The following KIF1B variants were observed in gnomAD, a reference collection of about 807,000 sequenced individuals.
The protein encoded by KIF1B is kinesin-like protein KIF1B.
Under a neutral mutation model 241.9 loss-of-function variants are expected in KIF1B, and 76 were observed. The ratio of observed to expected loss-of-function variants is 0.31; its 90% CI spans 0.26 to 0.38. The LOEUF (loss-of-function observed/expected upper bound fraction) is 0.38, where lower values mean the gene tolerates loss of function less well. Ranked by LOEUF, KIF1B falls within the 10% of genes least tolerant of loss-of-function variation. The probability of loss-of-function intolerance (pLI) is 1.00; values close to 1 mark genes in which losing one functional copy is unlikely to be tolerated. For missense variants in KIF1B, 1,622 were observed against 2,271.4 expected, an observed-to-expected ratio of 0.71 and a Z score of 5.81; for synonymous variants, 750 against 796.7, an observed-to-expected ratio of 0.94 and a Z score of 0.99.
intron 22 of KIF1B, chr1:10,306,992 G>T (rs1313017768): frequency 1.9e-6 from 2 of 1,041,756 alleles, no homozygotes; most frequent in African/African-American, 1.7e-5. Context: ...GCTGTGGATT[G>T]TGGTAAGGAC....
intron 1 of KIF1B, among the ~76,000 whole-genome samples, chr1:10,218,745 T>G (rs1646801831): frequency 6.6e-6 from 1 of 152,182 alleles, no homozygotes; most frequent in Non-Finnish European, 1.5e-5. Flanking sequence ...TTTTAAAAGC[T>G]TGCTGTGTCG....
chr1:10,218,282 C>G (rs1646794912), intron 1 of KIF1B, among the ~76,000 whole-genome samples: 1 of 152,110 alleles, frequency 6.6e-6, no homozygotes, highest in African/African-American at 2.4e-5. Context: ...TTTTGCAGTA[C>G]TAAGTATGTT....
rs1022361465 is a variant in KIF1B at position 10,342,112 on chromosome 1, A to C, written c.3576A>C (p.Glu1192Asp). Residue 1192 changes from glutamate (E) to aspartate (D), a missense_variant, in exon 33 of 49, where the codon GAA becomes GAC. Physicochemically the swap from Glu to Asp is conservative, Grantham distance 45. Around this residue, in one of 7 missense-constraint regions of KIF1B, gnomAD observed 803 missense variants for 1,112.0 expected, o/e 0.72. Transcript: ENST00000676179. ...DYIKTKPIVF[E>D]VFGHYQQHPL... Reference sequence around the variant, plus strand: ...TCAAAACCAAGCCTATTGTATTTGAAGTCTTTGGGCATTATCAGCAGCACC... The same window carrying C: ...TCAAAACCAAGCCTATTGTATTTGACGTCTTTGGGCATTATCAGCAGCACC... The C allele has an allele frequency of 5.0e-6, 8 of 1,613,926 alleles. No homozygotes were observed. Among genetic ancestry groups the C allele is most frequent in the Non-Finnish European group, 6.8e-6 (8 of 1,179,884 alleles).
At position 10,326,926 on chromosome 1, in the gene KIF1B, A is replaced by G. The variant is rs949416832; in HGVS notation, c.2924+567A>G. Among the ~76,000 whole-genome samples the G allele has an allele frequency of 6.6e-6, 1 of 152,214 alleles. No individual in the cohort carries two copies. Among genetic ancestry groups the G allele is most frequent in the East Asian group, 1.9e-4 (1 of 5,204 alleles). The stretch of plus-strand genomic sequence containing the variant: ...GGAAAGTTAAGCTTCTCCTTTACCT[A>G]AAACGGATGCCTGTCTTTGGCCAGT... On this transcript the variant is annotated intron_variant, in intron 27 of 48. Coordinates refer to ENST00000676179, the MANE Select transcript of KIF1B (RefSeq NM_001365951.3). The surrounding 1 kb of genome is among the most constrained non-coding windows in gnomAD (Gnocchi z 5.2).
intron 45 of KIF1B, among the ~76,000 whole-genome samples, 170 bp downstream of exon 45, chr1:10,371,432 C>T (rs922201626): frequency 2.6e-5 from 4 of 152,224 alleles, no homozygotes; most frequent in Non-Finnish European, 5.9e-5. Context: ...GTGCTAGCTA[C>T]TGGCATCTCT....
chr1:10,256,148 A>G (rs1441740844), intron 2 of KIF1B, 99 bp from the exon 3 acceptor site: 1 of 795,466 alleles, frequency 1.3e-6, no homozygotes, highest in Non-Finnish European at 2.2e-6. Flanking sequence ...TAGTGGTATG[A>G]ATTTACTGAT....
At chr1:10,305,860 C>G (rs917001504) in intron 22 of KIF1B, 5 of 1,052,272 alleles carry the variant, frequency 4.8e-6, no homozygotes, top group Non-Finnish European at 5.7e-6. Flanking sequence ...AAAAAGTTTT[C>G]TAAGAGGCAG....
intron 2 of KIF1B, among the ~76,000 whole-genome samples, chr1:10,236,186 C>T (rs1488743302): frequency 1.5e-4 from 23 of 151,900 alleles, no homozygotes; most frequent in African/African-American, 1.5e-4. Flanking sequence ...GCAGAAGAAT[C>T]GCTTAAACCC....
At chr1:10,335,150 C>T (rs35106561) in intron 28 of KIF1B, among the ~76,000 whole-genome samples, 3,171 of 152,178 alleles carry the variant, frequency 0.021, 50 homozygotes, top group Non-Finnish European at 0.032. Context: ...TTATGCTGCC[C>T]AGCATAGTCT....
intron 16 of KIF1B, 118 bp downstream of exon 16, chr1:10,291,279 A>C: frequency 5.6e-6 from 4 of 716,082 alleles, no homozygotes; most frequent in Non-Finnish European, 7.0e-6. Flanking sequence ...TAAAACACAA[A>C]ACGAAACCAA....
intron 2 of KIF1B, among the ~76,000 whole-genome samples, chr1:10,235,862 C>CAAAAAAA (rs70997211): frequency 4.3e-5 from 3 of 70,378 alleles, no homozygotes; most frequent in African/African-American, 5.6e-5. Flanking sequence ...AACACTGTCT[C>CAAAAAAA]AAAAAAAAAA....
chr1:10,343,428 C>G (rs1047773003), intron 34 of KIF1B, 141 bp downstream of exon 34: 4 of 825,656 alleles, frequency 4.8e-6, no homozygotes, highest in Admixed American at 4.0e-5. Context: ...TTGTATGTAT[C>G]TAGTAGGAAC....
At chr1:10,285,275 G>A (rs1260875665) in intron 15 of KIF1B, among the ~76,000 whole-genome samples, 1 of 152,162 alleles carries the variant, frequency 6.6e-6, no homozygotes, top group African/African-American at 2.4e-5. Context: ...TCTTACACTT[G>A]AGATTACCCT....
intron 2 of KIF1B, among the ~76,000 whole-genome samples, chr1:10,234,418 G>A (rs1458149785): frequency 1.3e-5 from 2 of 151,882 alleles, no homozygotes; most frequent in East Asian, 3.9e-4. Context: ...ATATTGGCCA[G>A]CCTCATCGCA....
chr1:10,288,252 C>T (rs1439708553), intron 15 of KIF1B, among the ~76,000 whole-genome samples: 1 of 152,184 alleles, frequency 6.6e-6, no homozygotes, highest in East Asian at 1.9e-4. Context: ...AAGCGTTTAA[C>T]ACCACTCTTA....
Position 10,283,157 on chromosome 1 carries a change from A to G in KIF1B, c.1434+624A>G, listed in dbSNP as rs529527036. Among the ~76,000 whole-genome samples the G allele has an allele frequency of 1.0e-3, 146 of 139,210 alleles. 2 individuals are homozygous for G. Among genetic ancestry groups the G allele is most frequent in the Non-Finnish European group, 7.3e-4 (48 of 65,736 alleles). The allele number at this position is 139,210 out of a possible 152,430, so 91.3% of individuals were successfully genotyped here. A position where few individuals can be genotyped will look rare whatever the true frequency, so the allele number is the denominator to read the frequency against. ...AGGAGGCGGAGCTTGCAGTGAGCCG[A>G]GATCGTGCCACTGCATTCCAGCCTG... On this transcript the variant is annotated intron_variant, in intron 15 of 48. Transcript: ENST00000676179.
At position 10,296,706 on chromosome 1, in the gene KIF1B, A is replaced by G. The variant is rs377738428; in HGVS notation, c.1861+41A>G. On this transcript the variant is annotated intron_variant, in intron 20 of 48. Coordinates refer to ENST00000676179, the MANE Select transcript of KIF1B (RefSeq NM_001365951.3). The stretch of plus-strand genomic sequence containing the variant: ...GTTTGCCATCTTCAGCAATGTGCAC[A>G]TGGCTTCTGTGACAACTCTAATTTT... The G allele has an allele frequency of 4.5e-6, 7 of 1,564,100 alleles. No homozygotes were observed. The African/African-American group carries it at 5.4e-5, about 12-fold the overall frequency.
intron 23 of KIF1B, among the ~76,000 whole-genome samples, chr1:10,321,437 T>C (rs1170643095): frequency 6.6e-6 from 1 of 152,146 alleles, no homozygotes. Flanking sequence ...CCACATGTTA[T>C]ACCTTTTTTT....
At chr1:10,263,392 A>G (rs554968416) in intron 5 of KIF1B, among the ~76,000 whole-genome samples, 3 of 151,872 alleles carry the variant, frequency 2.0e-5, no homozygotes, top group African/African-American at 7.3e-5. Context: ...CTTTCATAGT[A>G]ACTGAAATTA....
Sources: gnomAD v4.1 joint callset for allele counts (sites outside exome capture counted in the v4.1 genomes callset) on GRCh38, gnomAD v4.1.1 for gene constraint, gnomAD v4.1.1 regional missense constraint, Gnocchi (gnomAD v3.1) non-coding constraint, MANE v1.5 for transcripts, NCBI Gene and HGNC (gene_info 2026-07-23, HGNC 2026-07-21) for gene names.